Variants in TMEM132C observed in about 807,000 individuals in gnomAD.
TMEM132C encodes protein phosphatase 1, regulatory subunit 152.
Under a neutral mutation model 61.4 loss-of-function variants are expected in TMEM132C, and 29 were observed. The observed-to-expected ratio is 0.47, with a 90% CI of 0.35 to 0.64. The LOEUF is 0.64. TMEM132C is among the 30% of genes least tolerant of loss of function. TMEM132C has a pLI of 0.00. For missense variants in TMEM132C, 1,408 were observed against 1,476.9 expected (o/e 0.95, Z 0.76); for synonymous variants, 656 against 633.1 (o/e 1.04, Z -0.54).
At chr12:128,698,538 G>A (rs893786517) in intron 8 of TMEM132C, among the ~76,000 whole-genome samples, 24 of 152,336 alleles carry the variant, frequency 1.6e-4, no homozygotes, top group Admixed American at 4.6e-4. Context: ...AACAACACCT[G>A]TGAAGAGTCC....
In TMEM132C at chr12:128,381,653, GCA is replaced by G. The variant is rs1441500355; in HGVS notation, c.86-33076_86-33075del. On this transcript the variant is annotated intron_variant, in intron 1 of 8. Transcript: ENST00000435159. Reference sequence around the variant, plus strand: ...GCTGCTCTGAAGATGCCATCGGAAGGCACAGTCACTGGGCTGCAGCAGAGTAG... The same window carrying G: ...GCTGCTCTGAAGATGCCATCGGAAGGCAGTCACTGGGCTGCAGCAGAGTAG... Among the ~76,000 whole-genome samples, 4 of 152,170 alleles carry G rather than the reference GCA, an allele frequency of 2.6e-5. No individual in the cohort carries two copies. The East Asian group carries it at 7.7e-4, about 29-fold the overall frequency.
chr12:128,340,946 T>C (rs12321246), intron 1 of TMEM132C, among the ~76,000 whole-genome samples: 170 of 112,928 alleles, frequency 1.5e-3, no homozygotes, highest in African/African-American at 6.5e-3. Flanking sequence ...CTCTCTCTCT[T>C]TCTTTCTTTC....
intron 2 of TMEM132C, among the ~76,000 whole-genome samples, chr12:128,475,565 C>T (rs966362950): frequency 1.8e-4 from 28 of 151,542 alleles, no homozygotes; most frequent in Middle Eastern, 3.4e-3. Flanking sequence ...TGAATTATAT[C>T]TCAATAAAAA....
intron 1 of TMEM132C, among the ~76,000 whole-genome samples, chr12:128,402,947 A>T (rs531074871): frequency 6.6e-6 from 1 of 152,270 alleles, no homozygotes; most frequent in South Asian, 2.1e-4. Context: ...GAGAGTGATT[A>T]TGGAGCGCTC....
intron 1 of TMEM132C, among the ~76,000 whole-genome samples, chr12:128,383,026 A>T (rs116264902): frequency 6.6e-6 from 1 of 151,808 alleles, no homozygotes; most frequent in African/African-American, 2.4e-5. Context: ...ATCTGTGTGT[A>T]TGCATGTCTG....
chr12:128,386,281 C>T (rs117105090), intron 1 of TMEM132C, among the ~76,000 whole-genome samples: 2,586 of 152,270 alleles, frequency 0.017, 39 homozygotes, highest in Middle Eastern at 0.034. Flanking sequence ...GAAAGTGGCA[C>T]CGTTTCTCTC....
intron 3 of TMEM132C, among the ~76,000 whole-genome samples, chr12:128,590,975 G>A (rs1875729370): frequency 6.6e-6 from 1 of 151,956 alleles, no homozygotes; most frequent in Non-Finnish European, 1.5e-5. Flanking sequence ...TAGAGAAGGG[G>A]CCTCACTATG....
intron 4 of TMEM132C, among the ~76,000 whole-genome samples, chr12:128,620,502 A>G (rs1428786393): frequency 6.6e-6 from 1 of 152,234 alleles, no homozygotes; most frequent in Non-Finnish European, 1.5e-5. Flanking sequence ...TAGCTCTGTT[A>G]GCGTCATGGA....
chr12:128,316,742 T>C (rs999907275), intron 1 of TMEM132C, among the ~76,000 whole-genome samples: 1 of 152,194 alleles, frequency 6.6e-6, no homozygotes, highest in African/African-American at 2.4e-5. Flanking sequence ...TCACCTCAAG[T>C]TAATTTTTTT....
At chr12:128,546,320 A>G (rs1873949538) in intron 3 of TMEM132C, among the ~76,000 whole-genome samples, 1 of 152,166 alleles carries the variant, frequency 6.6e-6, no homozygotes, top group Non-Finnish European at 1.5e-5. Context: ...AACCTGTAAG[A>G]TTAGTGTTGA....
At chr12:128,505,936 T>C (rs1234029434) in intron 2 of TMEM132C, among the ~76,000 whole-genome samples, 2 of 152,102 alleles carry the variant, frequency 1.3e-5, no homozygotes, top group Non-Finnish European at 2.9e-5. Flanking sequence ...CCAGTCCCCA[T>C]GTTTTAGAGC....
At chr12:128,472,573 G>A (rs1417981420) in intron 2 of TMEM132C, among the ~76,000 whole-genome samples, 3 of 152,208 alleles carry the variant, frequency 2.0e-5, no homozygotes, top group Non-Finnish European at 4.4e-5. Context: ...CAGAAGCTTG[G>A]ATGATATCAA....
chr12:128,575,867 C>T (rs1410495352), intron 3 of TMEM132C, among the ~76,000 whole-genome samples: 2 of 152,210 alleles, frequency 1.3e-5, no homozygotes, highest in Admixed American at 1.3e-4. Flanking sequence ...TCTTTTGGTC[C>T]ACTTCGAAGC....
chr12:128,399,005 C>T (rs1875055359), intron 1 of TMEM132C, among the ~76,000 whole-genome samples: 1 of 152,188 alleles, frequency 6.6e-6, no homozygotes, highest in Non-Finnish European at 1.5e-5. Context: ...TTGCTTTTAT[C>T]TTCTGGTGTA....
At chr12:128,378,275 C>T (rs1015432870) in intron 1 of TMEM132C, among the ~76,000 whole-genome samples, 16 of 152,022 alleles carry the variant, frequency 1.1e-4, no homozygotes, top group East Asian at 3.9e-4. Context: ...CCACCATGCC[C>T]GGCTAATTTT....
intron 1 of TMEM132C, among the ~76,000 whole-genome samples, chr12:128,353,625 T>G (rs1345771113): frequency 2.0e-5 from 3 of 152,160 alleles, no homozygotes; most frequent in Non-Finnish European, 4.4e-5. Context: ...TTCCTCTGAA[T>G]GGTGTCAGGA....
At chr12:128,593,334 C>G (rs1875827051) in intron 3 of TMEM132C, among the ~76,000 whole-genome samples, 2 of 151,396 alleles carry the variant, frequency 1.3e-5, no homozygotes, top group African/African-American at 4.9e-5. Context: ...TCTCCTCTCT[C>G]CTTCCCTCTC....
chr12:128,287,351 T>C (rs984459822), intron 1 of TMEM132C, among the ~76,000 whole-genome samples: 1 of 152,214 alleles, frequency 6.6e-6, no homozygotes, highest in Non-Finnish European at 1.5e-5. Flanking sequence ...TCAGAAAAGT[T>C]GCAAAAATAG....
At chr12:128,372,273 T>G (rs1874049091) in intron 1 of TMEM132C, among the ~76,000 whole-genome samples, 1 of 152,184 alleles carries the variant, frequency 6.6e-6, no homozygotes, top group African/African-American at 2.4e-5. Context: ...ATCCTTACCT[T>G]TAAAATTATG....
Sources: gnomAD v4.1 joint callset for allele counts (sites outside exome capture counted in the v4.1 genomes callset) on GRCh38, gnomAD v4.1.1 for gene constraint, MANE v1.5 for transcripts, NCBI Gene and HGNC (gene_info 2026-07-23, HGNC 2026-07-21) for gene names.